CDH13: variants seen among roughly 807,000 people sequenced by gnomAD.
CDH13 encodes cadherin-13.
CDH13 carries 24 observed loss-of-function variants against 63.8 expected under a neutral mutation model. The ratio of observed to expected loss-of-function variants is 0.38; its 90% CI spans 0.27 to 0.53. The LOEUF (loss-of-function observed/expected upper bound fraction) is 0.53, where lower values mean the gene tolerates loss of function less well. Ranked by LOEUF, CDH13 falls within the 20% of genes least tolerant of loss-of-function variation. CDH13 has a pLI of 0.85. For synonymous variants in CDH13, 503 were observed against 355.3 expected (o/e 1.42, Z -4.67); for missense variants, 1,049 against 903.1 (o/e 1.16, Z -2.07).
intron 1 of CDH13, among the ~76,000 whole-genome samples, chr16:82,716,036 C>G (rs868053110): frequency 5.5e-4 from 84 of 152,304 alleles, no homozygotes; most frequent in African/African-American, 1.8e-3. Flanking sequence ...TTCTTTGGCT[C>G]TGCCTAAAGT....
intron 4 of CDH13, among the ~76,000 whole-genome samples, chr16:83,169,646 C>G (rs2037838846): frequency 6.6e-6 from 1 of 151,882 alleles, no homozygotes; most frequent in African/African-American, 2.4e-5. Context: ...AATGGCTTCC[C>G]TATTGATTCA....
At chr16:83,540,673 T>C (rs1464011942) in intron 7 of CDH13, among the ~76,000 whole-genome samples, 4 of 152,240 alleles carry the variant, frequency 2.6e-5, no homozygotes, top group African/African-American at 7.2e-5. Context: ...TCTCAAGTAG[T>C]AACTGTTGTC....
rs541198484 is a variant in CDH13, at chr16:83,157,210, A to G, written c.483+31709A>G. 1.9e-4 allele frequency among the ~76,000 whole-genome samples: 29 copies of G among 152,296 alleles called. 1 individual carries two copies. In the South Asian group the frequency reaches 4.4e-3, roughly 23 times the overall value. On this transcript the variant is annotated intron_variant, in intron 4 of 13. Transcript: ENST00000567109. ...TTAATAGCTAATTACCACACAGTCT[A>G]TCTGATTAACGGTATTGTGATTCAG...
Position 82,860,394 on chromosome 16 carries a change from G to GT in CDH13, c.157+1921_157+1922insT, listed in dbSNP as rs1567608745. 4.6e-5 allele frequency among the ~76,000 whole-genome samples: 6 copies of GT among 131,092 alleles called. 1 individual carries two copies. Among genetic ancestry groups the GT allele is most frequent in the East Asian group, 2.6e-4 (1 of 3,878 alleles). 86.0% of individuals were successfully genotyped at this position (131,092 alleles called of 152,430 possible). ...ACAGTTGTGTGTGTGTGTGTGGGGG[G>GT]GGGGGCGGCGGTGTGCGTGTGTGCT... On this transcript the variant is annotated intron_variant, in intron 2 of 13. Coordinates refer to ENST00000567109, the MANE Select transcript of CDH13 (RefSeq NM_001257.5).
rs551999940 is a variant in CDH13, at chr16:83,785,636, T to A, written c.2134+2164T>A. Reference sequence around the variant, plus strand: ...TCGTGAGGGTATGCTGTCTGGGGCCTGGTTTGCTGAGTCATCACTAGCAAC... The same window carrying A: ...TCGTGAGGGTATGCTGTCTGGGGCCAGGTTTGCTGAGTCATCACTAGCAAC... On this transcript the variant is annotated intron_variant, in intron 13 of 13. Transcript: ENST00000567109. Among the ~76,000 whole-genome samples the A allele has an allele frequency of 6.6e-5, 10 of 152,296 alleles. No individual in the cohort carries two copies. The South Asian group carries it at 2.1e-3, about 32-fold the overall frequency.
At chr16:82,958,730 C>A (rs1043532548) in intron 2 of CDH13, among the ~76,000 whole-genome samples, 17 of 152,354 alleles carry the variant, frequency 1.1e-4, no homozygotes, top group African/African-American at 3.8e-4. Context: ...AGGTCACAGG[C>A]TCCATTGTCT....
chr16:83,657,619 G>T (rs1042478959), intron 8 of CDH13, among the ~76,000 whole-genome samples: 1 of 152,214 alleles, frequency 6.6e-6, no homozygotes, highest in Non-Finnish European at 1.5e-5. Flanking sequence ...GTGGGCTGGG[G>T]ATATGGAGAA....
chr16:83,146,207 A>AAAAAAG (rs1555603453), intron 4 of CDH13, among the ~76,000 whole-genome samples: 29 of 133,490 alleles, frequency 2.2e-4, no homozygotes, highest in African/African-American at 1.1e-3. Context: ...AAAAAAAAAA[A>AAAAAAG]AAAGAAAAGA....
intron 6 of CDH13, among the ~76,000 whole-genome samples, chr16:83,475,885 T>C (rs1310709046): frequency 1.3e-5 from 2 of 152,152 alleles, no homozygotes; most frequent in African/African-American, 4.8e-5. Context: ...ATGCCTGGCC[T>C]ATGGTCTGTG....
chr16:83,732,341 G>C (rs1450861733), intron 10 of CDH13, among the ~76,000 whole-genome samples: 1 of 152,134 alleles, frequency 6.6e-6, no homozygotes, highest in East Asian at 1.9e-4. Context: ...GAGGTGAGGG[G>C]GAGAAACCAA....
intron 6 of CDH13, among the ~76,000 whole-genome samples, chr16:83,452,297 T>A (rs1358309975): frequency 6.6e-6 from 1 of 152,228 alleles, no homozygotes; most frequent in Non-Finnish European, 1.5e-5. Flanking sequence ...ATAATCAGTT[T>A]CATGAAACCT....
At chr16:83,716,522 C>A (rs577274500) in intron 10 of CDH13, among the ~76,000 whole-genome samples, 104 of 152,180 alleles carry the variant, frequency 6.8e-4, no homozygotes, top group Non-Finnish European at 1.2e-3. Context: ...CTTGCTCTGT[C>A]ACCCAGGCTG....
At chr16:83,116,014 ATT>A (rs2035277080) in intron 3 of CDH13, among the ~76,000 whole-genome samples, 1 of 152,194 alleles carries the variant, frequency 6.6e-6, no homozygotes, top group Non-Finnish European at 1.5e-5. Flanking sequence ...AAGTAGGATC[ATT>A]CCTCTCAAAT....
At chr16:83,177,265 C>A (rs1409651124) in intron 4 of CDH13, among the ~76,000 whole-genome samples, 1 of 152,196 alleles carries the variant, frequency 6.6e-6, no homozygotes, top group African/African-American at 2.4e-5. Context: ...TAACATTGCT[C>A]ATGCTCAGCT....
At chr16:83,775,701 G>A (rs1469887881) in intron 11 of CDH13, among the ~76,000 whole-genome samples, 3 of 151,670 alleles carry the variant, frequency 2.0e-5, no homozygotes, top group African/African-American at 7.3e-5. Flanking sequence ...GGGAGACAGA[G>A]CGAGACGCTC....
At chr16:82,954,904 G>C (rs947697966) in intron 2 of CDH13, among the ~76,000 whole-genome samples, 1 of 152,112 alleles carries the variant, frequency 6.6e-6, no homozygotes, top group Admixed American at 6.5e-5. Context: ...TTTTGTGCCT[G>C]CCTTCTTTCA....
intron 2 of CDH13, among the ~76,000 whole-genome samples, chr16:82,890,586 A>G (rs559956964): frequency 1.4e-4 from 21 of 151,614 alleles, no homozygotes; most frequent in African/African-American, 4.9e-4. Context: ...GTCTTCTTAC[A>G]TTTGTAACAT....
chr16:83,707,277 T>A (rs774682380), intron 10 of CDH13, among the ~76,000 whole-genome samples: 1 of 152,222 alleles, frequency 6.6e-6, no homozygotes, highest in Non-Finnish European at 1.5e-5. Flanking sequence ...CGTAACACTT[T>A]CGGTGAGTAG....
intron 10 of CDH13, among the ~76,000 whole-genome samples, chr16:83,745,016 AT>A (rs1912441183): frequency 6.6e-6 from 1 of 152,186 alleles, no homozygotes; most frequent in Non-Finnish European, 1.5e-5. Flanking sequence ...AAGTTCACAT[AT>A]CTCTAGGCCT....
Sources: allele counts gnomAD v4.1 joint callset (sites outside exome capture counted in the v4.1 genomes callset), GRCh38; gene constraint gnomAD v4.1.1; transcripts MANE v1.5; gene names NCBI Gene and HGNC (gene_info 2026-07-23, HGNC 2026-07-21).